KCNH5: variants seen among roughly 807,000 people sequenced by gnomAD.
The protein encoded by KCNH5 is potassium voltage-gated channel subfamily H member 5.
Under a neutral mutation model 96.1 loss-of-function variants are expected in KCNH5, and 46 were observed. The ratio of observed to expected loss-of-function variants is 0.48; its 90% CI spans 0.38 to 0.61. KCNH5 has a LOEUF of 0.61. KCNH5 is among the 20% of genes least tolerant of loss of function. KCNH5 has a pLI of 0.00. For synonymous variants in KCNH5, 439 were observed against 449.8 expected (o/e 0.98, Z 0.30); for missense variants, 907 against 1,225.8 (o/e 0.74, Z 3.88).
In KCNH5 at chr14:62,779,606, A is replaced by G. The variant is rs1328492917; in HGVS notation, c.2019+122T>C. On this transcript the variant is annotated intron_variant, in intron 10 of 10. Transcript: ENST00000322893. ...AAATAAAGAGAAGGAAAATTATGCC[A>G]CTTTACATTGATGGGAATTTAGTGC... 2.9e-5 allele frequency: 21 copies of G among 734,450 alleles called. No individual in the cohort carries two copies. In the Admixed American group the frequency reaches 3.3e-4, roughly 11 times the overall value. The allele number at this position is 734,450 out of a possible 1,614,324, so 45.5% of individuals were successfully genotyped here. A position where few individuals can be genotyped will look rare whatever the true frequency, so the allele number is the denominator to read the frequency against.
At chr14:62,952,863 T>A (rs1890033680) in intron 6 of KCNH5, among the ~76,000 whole-genome samples, 1 of 152,156 alleles carries the variant, frequency 6.6e-6, no homozygotes, top group South Asian at 2.1e-4. Flanking sequence ...CTGACAGGCC[T>A]GCTCTGGATT....
intron 7 of KCNH5, among the ~76,000 whole-genome samples, chr14:62,888,276 G>A (rs1888638332): frequency 6.6e-6 from 1 of 152,178 alleles, no homozygotes; most frequent in South Asian, 2.1e-4. Flanking sequence ...ACTATAAGAT[G>A]TGCTAATGAA....
chr14:62,812,926 T>C (rs977375984), intron 8 of KCNH5, among the ~76,000 whole-genome samples: 1 of 152,128 alleles, frequency 6.6e-6, no homozygotes, highest in Non-Finnish European at 1.5e-5. Context: ...ATTTCAATCC[T>C]TGTACAATAT....
intron 6 of KCNH5, among the ~76,000 whole-genome samples, chr14:62,979,698 A>G (rs907896133): frequency 8.5e-5 from 13 of 152,190 alleles, no homozygotes; most frequent in Non-Finnish European, 1.3e-4. Context: ...TGACTCTTCT[A>G]TATATTATGA....
rs1885023420 is a variant in KCNH5 at position 62,730,365 on chromosome 14, T to G, written c.2020-21910A>C. Among the ~76,000 whole-genome samples the G allele has an allele frequency of 2.0e-5, 3 of 152,198 alleles. No homozygotes were observed. The South Asian group carries it at 6.2e-4, about 31-fold the overall frequency. ...CAGCATATTTATTTAATTTCAAGCA[T>G]TGCCTTAGAAAGTAGAGATTTCTGT... On this transcript the variant is annotated intron_variant, in intron 10 of 10. Transcript: ENST00000322893.
chr14:62,724,215 G>C (rs1381133158), intron 10 of KCNH5, among the ~76,000 whole-genome samples: 1 of 152,150 alleles, frequency 6.6e-6, no homozygotes, highest in Non-Finnish European at 1.5e-5. Flanking sequence ...CTTTGCCGGA[G>C]ATTTGATGTT....
chr14:62,778,082 G>C (rs1268175386), intron 10 of KCNH5, among the ~76,000 whole-genome samples: 3 of 152,150 alleles, frequency 2.0e-5, no homozygotes, highest in Admixed American at 2.0e-4. Flanking sequence ...GGAATGTACG[G>C]ATGTTGGATA....
At chr14:63,040,237 G>C (rs1387010252) in intron 1 of KCNH5, among the ~76,000 whole-genome samples, 2 of 152,104 alleles carry the variant, frequency 1.3e-5, no homozygotes, top group Non-Finnish European at 2.9e-5. Context: ...TCAGTTACAA[G>C]GTGCCTAGGT....
At chr14:63,026,063 A>C (rs1891519080) in intron 1 of KCNH5, among the ~76,000 whole-genome samples, 1 of 152,090 alleles carries the variant, frequency 6.6e-6, no homozygotes, top group Admixed American at 6.6e-5. Context: ...CAAGCCACAC[A>C]TTTATAAACC....
intron 4 of KCNH5, among the ~76,000 whole-genome samples, chr14:62,988,541 T>C (rs1594661659): frequency 6.6e-6 from 1 of 152,112 alleles, no homozygotes; most frequent in East Asian, 1.9e-4. Flanking sequence ...TATCAATAAC[T>C]GGATTGGAAA....
Position 62,991,372 on chromosome 14 carries a change from G to A in KCNH5, c.434-4185C>T, listed in dbSNP as rs140065027. 4.2e-3 allele frequency among the ~76,000 whole-genome samples: 642 copies of A among 152,062 alleles called. 6 individuals carry two copies. The highest frequency in any genetic ancestry group is 0.015 in the African/African-American group (613 of 41,498). Reference sequence around the variant, plus strand: ...CTGGAAGTGTTAAGGATTATAATCTGCTTTCAGAAAGAGAACTGGGGAACT... The same window carrying A: ...CTGGAAGTGTTAAGGATTATAATCTACTTTCAGAAAGAGAACTGGGGAACT... On this transcript the variant is annotated intron_variant, in intron 4 of 10. Transcript: ENST00000322893.
intron 7 of KCNH5, among the ~76,000 whole-genome samples, chr14:62,910,402 A>C (rs1305375396): frequency 6.6e-6 from 1 of 152,182 alleles, no homozygotes; most frequent in Non-Finnish European, 1.5e-5. Context: ...AAAAATATTA[A>C]TAAAACAGTC....
intron 10 of KCNH5, among the ~76,000 whole-genome samples, chr14:62,728,248 G>A (rs1228810341): frequency 2.0e-5 from 3 of 151,242 alleles, no homozygotes; most frequent in Admixed American, 6.6e-5. Flanking sequence ...ATAGCTGGGC[G>A]TGGTGGCAGG....
At chr14:62,791,895 G>A (rs893781545) in intron 9 of KCNH5, among the ~76,000 whole-genome samples, 6 of 151,438 alleles carry the variant, frequency 4.0e-5, no homozygotes, top group African/African-American at 1.5e-4. Context: ...AGAAATACTC[G>A]ACTTGAACTG....
chr14:62,883,716 T>C (rs1888538398), intron 7 of KCNH5, among the ~76,000 whole-genome samples: 1 of 152,010 alleles, frequency 6.6e-6, no homozygotes, highest in Admixed American at 6.6e-5. Flanking sequence ...ACTTTTCACG[T>C]TACACACTGT....
intron 10 of KCNH5, among the ~76,000 whole-genome samples, chr14:62,733,587 G>A (rs1365757798): frequency 6.6e-6 from 1 of 152,170 alleles, no homozygotes; most frequent in Admixed American, 6.5e-5. Flanking sequence ...TGTTTGGGCA[G>A]CAACCCACAT....
At chr14:62,722,343 AC>A (rs1187288535) in intron 10 of KCNH5, among the ~76,000 whole-genome samples, 2 of 152,184 alleles carry the variant, frequency 1.3e-5, no homozygotes, top group East Asian at 3.9e-4. Flanking sequence ...ACTAAATACT[AC>A]AAATGGATCA....
chr14:62,951,421 A>G (rs1265434609), intron 6 of KCNH5, among the ~76,000 whole-genome samples: 1 of 152,190 alleles, frequency 6.6e-6, no homozygotes, highest in Non-Finnish European at 1.5e-5. Flanking sequence ...TGCAGTTCAC[A>G]AAATAGGCAG....
chr14:62,880,790 C>T (rs1221892265), intron 7 of KCNH5, among the ~76,000 whole-genome samples: 1 of 152,100 alleles, frequency 6.6e-6, no homozygotes, highest in Non-Finnish European at 1.5e-5. Context: ...AATGAGCAAT[C>T]ACTGTAAATT....
Sources: allele counts gnomAD v4.1 joint callset (sites outside exome capture counted in the v4.1 genomes callset), GRCh38; gene constraint gnomAD v4.1.1; transcripts MANE v1.5; gene names NCBI Gene and HGNC (gene_info 2026-07-23, HGNC 2026-07-21).